The following LAMA2 variants were observed in gnomAD, a reference collection of about 807,000 sequenced individuals.
The protein encoded by LAMA2 is laminin subunit alpha 2.
Under a neutral mutation model 364.8 loss-of-function variants are expected in LAMA2, and 269 were observed. That is an observed-to-expected ratio of 0.74 (90% CI 0.67 to 0.82). The LOEUF (loss-of-function observed/expected upper bound fraction) is 0.82. Ranked by LOEUF, LAMA2 falls within the 40% of genes least tolerant of loss-of-function variation. The probability of loss-of-function intolerance (pLI) is 0.00; values close to 1 mark genes in which losing one functional copy is unlikely to be tolerated. For missense variants in LAMA2, 3,807 were observed against 3,873.2 expected (o/e 0.98, Z 0.45); for synonymous variants, 1,379 against 1,370.6 (o/e 1.01, Z -0.14).
intron 9 of LAMA2, among the ~76,000 whole-genome samples, chr6:129,166,600 G>C (rs1285469468): frequency 3.3e-5 from 5 of 152,072 alleles, no homozygotes; most frequent in East Asian, 3.9e-4. Context: ...TTCGTTTTAA[G>C]CCTTTTCTCT....
intron 41 of LAMA2, among the ~76,000 whole-genome samples, chr6:129,435,248 G>T (rs1214782473): frequency 6.6e-6 from 1 of 152,068 alleles, no homozygotes; most frequent in African/African-American, 2.4e-5. Context: ...ATCCAATCAA[G>T]AAGCTAAGAA....
At chr6:129,113,693 C>A (rs1776297871) in intron 4 of LAMA2, among the ~76,000 whole-genome samples, 1 of 152,000 alleles carries the variant, frequency 6.6e-6, no homozygotes, top group East Asian at 1.9e-4. Flanking sequence ...GAAGATAAAT[C>A]ATTAAGACAG....
chr6:129,370,160 C>G (rs1562500584), intron 34 of LAMA2, among the ~76,000 whole-genome samples, 170 bp downstream of exon 34: 1 of 152,172 alleles, frequency 6.6e-6, no homozygotes, highest in Admixed American at 6.5e-5. Context: ...TCATAGAAAT[C>G]AGTAGCACGC....
chr6:129,086,046 T>C (rs1469386730), intron 3 of LAMA2, among the ~76,000 whole-genome samples: 1 of 152,238 alleles, frequency 6.6e-6, no homozygotes, highest in African/African-American at 2.4e-5. Flanking sequence ...TCATTGGCAA[T>C]TGAGGTCACC....
chr6:129,283,607 G>A (rs1788885270), intron 18 of LAMA2, among the ~76,000 whole-genome samples: 1 of 151,504 alleles, frequency 6.6e-6, no homozygotes, highest in Admixed American at 6.6e-5. Context: ...AATGTGGAAG[G>A]TGTTTGAATC....
intron 1 of LAMA2, among the ~76,000 whole-genome samples, chr6:129,048,289 C>G (rs1317609054): frequency 6.6e-6 from 1 of 152,030 alleles, no homozygotes; most frequent in Non-Finnish European, 1.5e-5. Flanking sequence ...TACTCTGTCC[C>G]TACTATGTGC....
chr6:129,348,225 A>G (rs1271358709), intron 30 of LAMA2, among the ~76,000 whole-genome samples: 2 of 152,222 alleles, frequency 1.3e-5, no homozygotes, highest in Non-Finnish European at 2.9e-5. Flanking sequence ...ATATTTTGCA[A>G]AAGTTAGAGC....
At chr6:129,331,734 C>T (rs1188161311) in intron 29 of LAMA2, among the ~76,000 whole-genome samples, 1 of 152,084 alleles carries the variant, frequency 6.6e-6, no homozygotes, top group African/African-American at 2.4e-5. Context: ...TCTTCTCCTT[C>T]CATACAATGG....
intron 12 of LAMA2, among the ~76,000 whole-genome samples, chr6:129,232,799 A>G (rs1784751118): frequency 6.6e-6 from 1 of 152,172 alleles, no homozygotes; most frequent in South Asian, 2.1e-4. Flanking sequence ...GGTGGACCGA[A>G]TCCAGTCACA....
intron 4 of LAMA2, among the ~76,000 whole-genome samples, chr6:129,108,057 T>G (rs373017625): frequency 6.7e-6 from 1 of 149,660 alleles, no homozygotes; most frequent in East Asian, 2.0e-4. Flanking sequence ...TTTGATGAAT[T>G]ACTTCATTTT....
intron 29 of LAMA2, among the ~76,000 whole-genome samples, chr6:129,339,741 C>T (rs900061731): frequency 6.6e-6 from 1 of 152,102 alleles, no homozygotes; most frequent in Non-Finnish European, 1.5e-5. Flanking sequence ...ACGGCAGCTC[C>T]CGCCTGTAAT....
chr6:129,112,435 G>A (rs116579209), intron 4 of LAMA2, among the ~76,000 whole-genome samples: 1,976 of 151,976 alleles, frequency 0.013, 47 homozygotes, highest in African/African-American at 0.045. Flanking sequence ...CTAAGCAAAT[G>A]CGTTACAAAA....
intron 49 of LAMA2, 45 bp downstream of exon 49, chr6:129,460,369 TA>T: frequency 6.3e-7 from 1 of 1,595,548 alleles, no homozygotes; most frequent in Non-Finnish European, 8.6e-7. Flanking sequence ...CTGTGCATAA[TA>T]AAAGCTTCGA....
intron 2 of LAMA2, among the ~76,000 whole-genome samples, chr6:129,054,286 C>A (rs145174077): frequency 3.3e-5 from 5 of 152,192 alleles, no homozygotes; most frequent in Admixed American, 2.6e-4. Flanking sequence ...TGGACTGATA[C>A]TCTTGGAGCA....
intron 1 of LAMA2, among the ~76,000 whole-genome samples, chr6:128,911,566 C>T (rs1158118646): frequency 1.3e-5 from 2 of 152,182 alleles, no homozygotes; most frequent in African/African-American, 2.4e-5. Flanking sequence ...GAACCCGGTA[C>T]CTCAGATGGA....
At chr6:128,962,796 A>G (rs1280019136) in intron 1 of LAMA2, among the ~76,000 whole-genome samples, 1 of 152,210 alleles carries the variant, frequency 6.6e-6, no homozygotes, top group Non-Finnish European at 1.5e-5. Flanking sequence ...TTCTTTAGCT[A>G]AAGACAGAGG....
At chr6:129,361,017 G>A (rs994945995) in intron 32 of LAMA2, among the ~76,000 whole-genome samples, 2 of 152,092 alleles carry the variant, frequency 1.3e-5, no homozygotes, top group Non-Finnish European at 2.9e-5. Flanking sequence ...AAATAGGTAG[G>A]TTATATATTA....
intron 1 of LAMA2, among the ~76,000 whole-genome samples, chr6:128,982,210 G>A (rs1430291996): frequency 1.3e-5 from 2 of 152,140 alleles, no homozygotes; most frequent in Admixed American, 6.5e-5. Context: ...GAAAGAAAAT[G>A]AGATAAAACT....
At chr6:129,491,162 C>G (rs187640316) in intron 56 of LAMA2, 3 of 152,216 alleles carry the variant, frequency 2.0e-5, no homozygotes, top group African/African-American at 7.2e-5. Context: ...CTGTTAAGAC[C>G]GAAACTCAAA....
Sources: allele counts gnomAD v4.1 joint callset (sites outside exome capture counted in the v4.1 genomes callset), GRCh38; gene constraint gnomAD v4.1.1; transcripts MANE v1.5; gene names NCBI Gene and HGNC (gene_info 2026-07-23, HGNC 2026-07-21).